NCKAP1: variants seen among roughly 807,000 people sequenced by gnomAD.
NCKAP1 encodes the protein nck-associated protein 1.
A neutral mutation model predicts 151.2 loss-of-function variants in NCKAP1; 21 were observed. The observed-to-expected ratio is 0.14, with a 90% CI of 0.10 to 0.20. The LOEUF is 0.20. NCKAP1 is among the 10% of genes least tolerant of loss of function. The probability of loss-of-function intolerance (pLI) is 1.00; values close to 1 mark genes in which losing one functional copy is unlikely to be tolerated. For synonymous variants in NCKAP1, 484 were observed against 451.8 expected, an observed-to-expected ratio of 1.07 and a Z score of -0.90; for missense variants, 933 against 1,352.1, an observed-to-expected ratio of 0.69 and a Z score of 4.86.
In NCKAP1 at chr2:182,954,256, C is replaced by T. The variant is rs1292101313; in HGVS notation, c.2154-925G>A. 3.1e-4 allele frequency among the ~76,000 whole-genome samples: 5 copies of T among 15,994 alleles called. No individual in the cohort carries two copies. In the South Asian group the frequency reaches 0.015, roughly 48 times the overall value. 10.5% of individuals were successfully genotyped at this position (15,994 alleles called of 152,430 possible). A position where few individuals can be genotyped will look rare whatever the true frequency, so the allele number is the denominator to read the frequency against. On this transcript the variant is annotated intron_variant, in intron 20 of 30. Transcript: ENST00000361354. Reference sequence around the variant, plus strand: ...CTTTATTTTCTTTAATCACTCATAGCATATAAAACAGTTCTGTTTATATCT... The same window carrying T: ...CTTTATTTTCTTTAATCACTCATAGTATATAAAACAGTTCTGTTTATATCT...
chr2:182,935,354 C>T lies in NCKAP1; in HGVS notation c.2717G>A (p.Arg906Lys), dbSNP rs1472373626. 1 of 1,575,578 alleles carries T rather than the reference C, an allele frequency of 6.3e-7. No homozygotes were observed. Among genetic ancestry groups the T allele is most frequent in the Non-Finnish European group, 8.6e-7 (1 of 1,165,970 alleles). Reference protein sequence around the residue: ...RLSSVDSVLKRMTIIGVILSF... With the variant: ...RLSSVDSVLKKMTIIGVILSF... ...TAAAATTACACCAATTATTGTCATC[C>T]TCTTCAAGACACTGTCAACAGCTAA... is the stretch of plus-strand genomic sequence containing the variant. The change falls in exon 25 of 31, where the codon AGG (arginine) becomes AAG (lysine). Residue 906 changes from arginine to lysine, a missense_variant. Arg to Lys is a conservative substitution (Grantham distance 26, BLOSUM62 2). Transcript: ENST00000361354.
intron 15 of NCKAP1, among the ~76,000 whole-genome samples, chr2:182,971,421 T>C (rs1697689445): frequency 6.9e-6 from 1 of 145,196 alleles, no homozygotes; most frequent in African/African-American, 2.5e-5. Context: ...AAAAAAGATA[T>C]CTCATGTTCA....
chr2:183,033,640 G>A (rs576573679), intron 1 of NCKAP1, among the ~76,000 whole-genome samples: 2 of 152,224 alleles, frequency 1.3e-5, no homozygotes, highest in African/African-American at 2.4e-5. Flanking sequence ...ATATTTGAGA[G>A]TAACTGAAAG....
chr2:182,946,156 T>G (rs896225817), intron 23 of NCKAP1, among the ~76,000 whole-genome samples: 10 of 152,028 alleles, frequency 6.6e-5, no homozygotes, highest in African/African-American at 2.4e-4. Flanking sequence ...TCTCAGCATT[T>G]TGGGAGGCTG....
At chr2:182,932,494 G>C (rs957135435) in intron 26 of NCKAP1, among the ~76,000 whole-genome samples, 2 of 152,046 alleles carry the variant, frequency 1.3e-5, no homozygotes, top group African/African-American at 4.8e-5. Context: ...TGGGTACAAG[G>C]CTTCTTTTTG....
intron 23 of NCKAP1, among the ~76,000 whole-genome samples, chr2:182,951,925 T>C (rs1697225748): frequency 6.6e-6 from 1 of 152,146 alleles, no homozygotes; most frequent in Non-Finnish European, 1.5e-5. Context: ...TACTGAAACA[T>C]TAAGCATTCT....
chr2:182,927,819 A>C (rs1416506857), intron 29 of NCKAP1, among the ~76,000 whole-genome samples: 5 of 152,154 alleles, frequency 3.3e-5, no homozygotes, highest in African/African-American at 1.2e-4. Context: ...AAAAAAGGTC[A>C]TATTGCAGAG....
chr2:183,018,077 G>A (rs769958816), intron 2 of NCKAP1, among the ~76,000 whole-genome samples: 1 of 151,930 alleles, frequency 6.6e-6, no homozygotes, highest in Non-Finnish European at 1.5e-5. Context: ...GGTGAAACCC[G>A]TCTCTACTAA....
intron 15 of NCKAP1, among the ~76,000 whole-genome samples, chr2:182,975,991 T>A (rs1019412689): frequency 6.6e-6 from 1 of 152,188 alleles, no homozygotes; most frequent in Non-Finnish European, 1.5e-5. Context: ...ATTTACTTGT[T>A]TGAACATCTA....
intron 26 of NCKAP1, among the ~76,000 whole-genome samples, chr2:182,933,022 G>A (rs1696797171): frequency 6.6e-6 from 1 of 152,092 alleles, no homozygotes. Context: ...ATAAATATAA[G>A]TAGAAAAATA....
At chr2:183,009,342 T>C (rs1000423682) in intron 2 of NCKAP1, among the ~76,000 whole-genome samples, 1 of 135,816 alleles carries the variant, frequency 7.4e-6, no homozygotes, top group Non-Finnish European at 1.5e-5. Context: ...GCCATTGTAC[T>C]CCAGCCTGGG....
chr2:182,927,239 C>T (rs1696666631), intron 29 of NCKAP1: 1 of 167,244 alleles, frequency 6.0e-6, no homozygotes, highest in African/African-American at 2.4e-5. Context: ...TTTCTTAGTT[C>T]CCAAGGAAGA....
At position 182,914,930 on chromosome 2, in the gene NCKAP1, T is replaced by C. The variant is rs1203866148; in HGVS notation, c.*10772A>G. ...CCTTCCCTTTAAAGAAATCAGATTT[T>C]GTAAACAGTGAAAAAACCAAGAGCA... On this transcript the variant is annotated 3_prime_UTR_variant, in exon 31 of 31. Transcript: ENST00000361354. 1.3e-5 allele frequency: 2 copies of C among 152,208 alleles called. No individual in the cohort carries two copies. The highest frequency in any genetic ancestry group is 2.9e-5 in the Non-Finnish European group (2 of 68,048). The allele number at this position is 152,208 out of a possible 1,614,324, so 9.4% of individuals were successfully genotyped here. A position where few individuals can be genotyped will look rare whatever the true frequency, so the allele number is the denominator to read the frequency against.
At position 182,913,974 on chromosome 2, in the gene NCKAP1, C is replaced by T. The variant is rs1024561124; in HGVS notation, c.*11728G>A. On this transcript the variant is annotated 3_prime_UTR_variant, in exon 31 of 31. Coordinates refer to ENST00000361354, the MANE Select transcript of NCKAP1 (RefSeq NM_013436.5). ...TCTTGGTTCTAACTTAGTGAGAAAACTCTGATAAGAACCCACCATTTACAA... is the reference window on the plus strand; with the variant it reads ...TCTTGGTTCTAACTTAGTGAGAAAATTCTGATAAGAACCCACCATTTACAA... The T allele has an allele frequency of 2.6e-5, 4 of 152,256 alleles. No individual in the cohort carries two copies. The highest frequency in any genetic ancestry group is 9.7e-5 in the African/African-American group (4 of 41,434). 9.4% of individuals were successfully genotyped at this position (152,256 alleles called of 1,614,324 possible).
intron 4 of NCKAP1, 128 bp from the exon 5 acceptor site, chr2:183,002,397 C>T: frequency 1.5e-6 from 1 of 660,682 alleles, no homozygotes; most frequent in South Asian, 2.7e-5. Flanking sequence ...TTCTAAAATG[C>T]TAATTCCTTT....
At position 182,981,448 on chromosome 2, in the gene NCKAP1, T is replaced by C. The variant is rs1455333626; in HGVS notation, c.1209-72A>G. 2.6e-6 allele frequency: 3 copies of C among 1,172,266 alleles called. No individual in the cohort carries two copies. In the African/African-American group the frequency reaches 4.6e-5, roughly 18 times the overall value. The allele number at this position is 1,172,266 out of a possible 1,614,324, so 72.6% of individuals were successfully genotyped here. On this transcript the variant is annotated intron_variant, in intron 12 of 30. Transcript: ENST00000361354. Reference sequence around the variant, plus strand: ...TATTAAAGAATATATTCGATGCCCTTAATCTTATTTCTAAAAGTATTTTTC... The same window carrying C: ...TATTAAAGAATATATTCGATGCCCTCAATCTTATTTCTAAAAGTATTTTTC...
At chr2:183,033,509 C>T (rs16823945) in intron 1 of NCKAP1, among the ~76,000 whole-genome samples, 6,491 of 152,228 alleles carry the variant, frequency 0.043, 473 homozygotes, top group African/African-American at 0.15. Flanking sequence ...TCTCTCTCCC[C>T]ACTAAGACAC....
intron 2 of NCKAP1, among the ~76,000 whole-genome samples, chr2:183,008,166 G>C (rs531458626): frequency 5.9e-5 from 9 of 152,164 alleles, no homozygotes; most frequent in African/African-American, 1.7e-4. Context: ...CCTCTCAGGT[G>C]ATCCGCCCGC....
At chr2:182,952,746 G>T in intron 22 of NCKAP1, 47 bp downstream of exon 22, 1 of 1,507,892 alleles carries the variant, frequency 6.6e-7, no homozygotes, top group Non-Finnish European at 8.9e-7. Flanking sequence ...ACTAGCAAAA[G>T]AATTAAGTGT....
Sources: gnomAD v4.1 joint callset for allele counts (sites outside exome capture counted in the v4.1 genomes callset) on GRCh38, gnomAD v4.1.1 for gene constraint, MANE v1.5 for transcripts, NCBI Gene and HGNC (gene_info 2026-07-23, HGNC 2026-07-21) for gene names.